FBN2: variants seen among roughly 807,000 people sequenced by gnomAD.
FBN2 encodes fibrillin-2.
A neutral mutation model predicts 355.6 loss-of-function variants in FBN2; 105 were observed. That is an observed-to-expected ratio of 0.30 (90% CI 0.25 to 0.35). The LOEUF (loss-of-function observed/expected upper bound fraction) is 0.35. Ranked by LOEUF, FBN2 falls within the 10% of genes least tolerant of loss-of-function variation. The pLI is 1.00. For missense variants in FBN2, 3,280 were observed against 3,758.7 expected, an observed-to-expected ratio of 0.87 and a Z score of 3.33; for synonymous variants, 1,350 against 1,301.2, an observed-to-expected ratio of 1.04 and a Z score of -0.81.
intron 11 of FBN2, among the ~76,000 whole-genome samples, chr5:128,388,894 T>C (rs1267054832): frequency 1.3e-5 from 2 of 152,198 alleles, no homozygotes; most frequent in Admixed American, 6.5e-5. Context: ...TCTAGCAAGG[T>C]TGGATAATTT....
At chr5:128,528,002 C>A in intron 3 of FBN2, 35 bp from the exon 4 acceptor site, 2 of 1,390,986 alleles carry the variant, frequency 1.4e-6, no homozygotes, top group South Asian at 1.2e-5. Context: ...ATAAAAACAT[C>A]AGTCATCAAA....
At chr5:128,270,016 A>G (rs1420743053) in intron 62 of FBN2, among the ~76,000 whole-genome samples, 1 of 152,200 alleles carries the variant, frequency 6.6e-6, no homozygotes, top group African/African-American at 2.4e-5. Flanking sequence ...AATGGCACAG[A>G]ACAGAGACCT....
At position 128,472,650 on chromosome 5, in the gene FBN2, G is replaced by A. The variant is rs963095389; in HGVS notation, c.629-7729C>T. Among the ~76,000 whole-genome samples, 13 of 152,174 alleles carry A rather than the reference G, an allele frequency of 8.5e-5. No homozygotes were observed. The East Asian group carries it at 2.3e-3, about 27-fold the overall frequency. On this transcript the variant is annotated intron_variant, in intron 5 of 64. Transcript: ENST00000262464. ...CTACTAAAAATACGAAATTAGCTAG[G>A]CATGGTGGCACATGCCCATAATCCC...
chr5:128,528,100 C>T (rs1487950096), intron 3 of FBN2, 133 bp from the exon 4 acceptor site: 2 of 685,882 alleles, frequency 2.9e-6, no homozygotes, highest in African/African-American at 1.8e-5. Context: ...AATACTATGA[C>T]CCAAACATAT....
chr5:128,427,541 C>A (rs779196347), intron 7 of FBN2, among the ~76,000 whole-genome samples: 3 of 152,180 alleles, frequency 2.0e-5, no homozygotes, highest in African/African-American at 7.2e-5. Context: ...GCCATGCCCA[C>A]GTGCCAGAGC....
chr5:128,279,069 T>C (rs1020265565), intron 56 of FBN2, among the ~76,000 whole-genome samples: 2 of 152,202 alleles, frequency 1.3e-5, no homozygotes, highest in Admixed American at 6.5e-5. Flanking sequence ...TAGAAATAGA[T>C]AGATTTTTTC....
chr5:128,488,746 T>C (rs943156113), intron 5 of FBN2, among the ~76,000 whole-genome samples: 1 of 150,626 alleles, frequency 6.6e-6, no homozygotes, highest in Admixed American at 6.7e-5. Flanking sequence ...TGAGAACATG[T>C]GGTGTTTGAT....
intron 58 of FBN2, among the ~76,000 whole-genome samples, chr5:128,276,687 C>T (rs559882102): frequency 6.6e-6 from 1 of 152,244 alleles, no homozygotes; most frequent in Admixed American, 6.5e-5. Context: ...TCTGTCTGGC[C>T]CTTATTTCCT....
chr5:128,406,407 T>G (rs578010678), intron 8 of FBN2, among the ~76,000 whole-genome samples: 3 of 152,342 alleles, frequency 2.0e-5, no homozygotes, highest in African/African-American at 7.2e-5. Flanking sequence ...TTACCATAGA[T>G]CTTAGCAACC....
rs1262904427 is a variant in FBN2 at position 128,369,111 on chromosome 5, C to T, written c.2248+71G>A. On this transcript the variant is annotated intron_variant, in intron 16 of 64. Transcript: ENST00000262464. ...GATGAAACACTTAAGAGCTGATGTT[C>T]TCTTTGGCCAAACATCTAAGGTTGT... The T allele has an allele frequency of 4.8e-6, 7 of 1,472,046 alleles. No individual in the cohort carries two copies. In the East Asian group the frequency reaches 1.6e-4, roughly 33 times the overall value. The allele number at this position is 1,472,046 out of a possible 1,614,324, so 91.2% of individuals were successfully genotyped here.
At chr5:128,393,047 C>T (rs1752559430) in intron 10 of FBN2, 88 bp downstream of exon 10, 1 of 1,065,304 alleles carries the variant, frequency 9.4e-7, no homozygotes. Flanking sequence ...GTTCATACAA[C>T]CCTTTTGAAA....
intron 7 of FBN2, among the ~76,000 whole-genome samples, chr5:128,412,108 A>AAACT (rs33987819): frequency 0.11 from 16,526 of 152,178 alleles, 1,049 homozygotes; most frequent in African/African-American, 0.17. Flanking sequence ...ATCTTTTTTG[A>AAACT]AACTATATCA....
chr5:128,477,350 T>C (rs558689209), intron 5 of FBN2, among the ~76,000 whole-genome samples: 1 of 152,066 alleles, frequency 6.6e-6, no homozygotes, highest in Non-Finnish European at 1.5e-5. Flanking sequence ...GCATTTGGTG[T>C]AGAGGTAATG....
intron 62 of FBN2, among the ~76,000 whole-genome samples, chr5:128,265,844 C>T (rs1259399392): frequency 6.6e-6 from 1 of 152,122 alleles, no homozygotes; most frequent in Non-Finnish European, 1.5e-5. Flanking sequence ...CAATTGGTAG[C>T]AGGTTTAGTA....
intron 25 of FBN2, among the ~76,000 whole-genome samples, chr5:128,342,729 A>G (rs1258973160): frequency 6.7e-6 from 1 of 149,650 alleles, no homozygotes; most frequent in Non-Finnish European, 1.5e-5. Flanking sequence ...GGGATAAAGG[A>G]GATTTTTTTT....
intron 5 of FBN2, among the ~76,000 whole-genome samples, chr5:128,503,839 G>A (rs1755879650): frequency 1.3e-5 from 2 of 152,126 alleles, no homozygotes; most frequent in Non-Finnish European, 2.9e-5. Context: ...CAAGACAATG[G>A]GAAAAATGTC....
chr5:128,522,366 T>C (rs1010397220), intron 4 of FBN2, among the ~76,000 whole-genome samples: 4 of 152,172 alleles, frequency 2.6e-5, no homozygotes, highest in Admixed American at 1.3e-4. Context: ...GAACAAATAA[T>C]GAGCTCTGCT....
At chr5:128,310,585 G>C in intron 39 of FBN2, among the ~76,000 whole-genome samples, 1 of 149,706 alleles carries the variant, frequency 6.7e-6, no homozygotes, top group Admixed American at 6.7e-5. Context: ...TCTTAAAGCA[G>C]TGCAGCTGCT....
At position 128,335,300 on chromosome 5, in the gene FBN2, T is replaced by A; in HGVS notation, c.3848-5A>T. ...TGTTTTCACATTCATCAATGTCTGA[T>A]GATACAAAATTAGCATCAAATGAAA... On this transcript the variant is annotated splice_polypyrimidine_tract_variant and splice_region_variant and intron_variant, in intron 29 of 64. Transcript: ENST00000262464. 6.2e-7 allele frequency: 1 copy of A among 1,614,204 alleles called. No homozygotes were observed. Among genetic ancestry groups the A allele is most frequent in the Non-Finnish European group, 8.5e-7 (1 of 1,179,996 alleles).
Sources: allele counts gnomAD v4.1 joint callset (sites outside exome capture counted in the v4.1 genomes callset), GRCh38; gene constraint gnomAD v4.1.1; transcripts MANE v1.5; gene names NCBI Gene and HGNC (gene_info 2026-07-23, HGNC 2026-07-21).